The following EEFSEC variants were observed in gnomAD, a reference collection of about 807,000 sequenced individuals.
EEFSEC encodes the protein selenocysteine-specific elongation factor.
In EEFSEC, 43 loss-of-function variants were observed where a neutral mutation model predicts 42.1. The ratio of observed to expected loss-of-function variants is 1.02; its 90% CI spans 0.80 to 1.32. The LOEUF is 1.32. EEFSEC is among the 40% of genes most tolerant of loss of function. EEFSEC has a pLI of 0.00. For missense variants in EEFSEC, 745 were observed against 803.6 expected (o/e 0.93, Z 0.88); for synonymous variants, 354 against 339.1 (o/e 1.04, Z -0.48).
chr3:128,281,023 C>T (rs147232525), intron 4 of EEFSEC, among the ~76,000 whole-genome samples: 2 of 152,202 alleles, frequency 1.3e-5, no homozygotes, highest in African/African-American at 4.8e-5. Flanking sequence ...CTGACTCTTT[C>T]ATTACCCCCT....
chr3:128,392,777 C>A (rs11918300), intron 6 of EEFSEC, among the ~76,000 whole-genome samples: 1,788 of 152,344 alleles, frequency 0.012, 31 homozygotes, highest in African/African-American at 0.041. Context: ...ATGACAGAGG[C>A]TGGGCCTGGC....
intron 5 of EEFSEC, among the ~76,000 whole-genome samples, chr3:128,350,351 G>A (rs959702813): frequency 4.6e-5 from 7 of 152,184 alleles, no homozygotes; most frequent in African/African-American, 1.7e-4. Flanking sequence ...AGGGCCCCTC[G>A]CCCTTGCAGG....
intron 1 of EEFSEC, among the ~76,000 whole-genome samples, chr3:128,234,548 G>A (rs1206359176): frequency 1.3e-5 from 2 of 152,180 alleles, no homozygotes; most frequent in East Asian, 3.8e-4. Context: ...TGACTGTGGT[G>A]CGAGGACATT....
chr3:128,253,436 G>C lies in EEFSEC; in HGVS notation c.524+6393G>C, dbSNP rs565078942. 1.1e-4 allele frequency among the ~76,000 whole-genome samples: 17 copies of C among 152,252 alleles called. No homozygotes were observed. In the Middle Eastern group the frequency reaches 0.014, roughly 123 times the overall value. Reference sequence around the variant, plus strand: ...AGCCACTTACTCCCTGGCTCCCTGGGCGAGTCATAGCTTCTCTGAATATGG... The same window carrying C: ...AGCCACTTACTCCCTGGCTCCCTGGCCGAGTCATAGCTTCTCTGAATATGG... On this transcript the variant is annotated intron_variant, in intron 2 of 6. Transcript: ENST00000254730.
chr3:128,267,083 G>A (rs919863145), intron 4 of EEFSEC, among the ~76,000 whole-genome samples: 3 of 152,068 alleles, frequency 2.0e-5, no homozygotes, highest in African/African-American at 7.2e-5. Flanking sequence ...GGGCTCTCTG[G>A]GGGGTGGGGT....
At chr3:128,180,587 G>A (rs1317183290) in intron 1 of EEFSEC, among the ~76,000 whole-genome samples, 1 of 152,254 alleles carries the variant, frequency 6.6e-6, no homozygotes, top group Non-Finnish European at 1.5e-5. Flanking sequence ...TGGAACAACA[G>A]CTGGAGGGAG....
intron 1 of EEFSEC, among the ~76,000 whole-genome samples, chr3:128,173,639 T>C (rs1044340248): frequency 1.3e-5 from 2 of 152,242 alleles, no homozygotes; most frequent in African/African-American, 4.8e-5. Flanking sequence ...CAATAATTTT[T>C]ATTTCCCTTC....
At chr3:128,210,888 C>A (rs2065749001) in intron 1 of EEFSEC, among the ~76,000 whole-genome samples, 1 of 152,162 alleles carries the variant, frequency 6.6e-6, no homozygotes, top group Admixed American at 6.5e-5. Flanking sequence ...TTTTTCCTGC[C>A]CATTTCTGTC....
chr3:128,312,457 A>G (rs1396129198), intron 4 of EEFSEC, among the ~76,000 whole-genome samples: 1 of 152,252 alleles, frequency 6.6e-6, no homozygotes, highest in African/African-American at 2.4e-5. Context: ...CCTTTGTGTC[A>G]CCAGACTGCG....
At chr3:128,166,798 C>G (rs573087871) in intron 1 of EEFSEC, among the ~76,000 whole-genome samples, 4 of 152,176 alleles carry the variant, frequency 2.6e-5, no homozygotes, top group Admixed American at 1.3e-4. Flanking sequence ...CCTGCTTGCT[C>G]TCTGTCTTTG....
intron 6 of EEFSEC, among the ~76,000 whole-genome samples, chr3:128,401,642 C>G (rs2068049010): frequency 6.6e-6 from 1 of 152,142 alleles, no homozygotes; most frequent in East Asian, 1.9e-4. Flanking sequence ...AGGGGTGAGG[C>G]TGAGAGAGAG....
At chr3:128,393,077 A>G (rs2811375) in intron 6 of EEFSEC, among the ~76,000 whole-genome samples, 1 of 152,242 alleles carries the variant, frequency 6.6e-6, no homozygotes, top group Admixed American at 6.5e-5. Flanking sequence ...GCGCCCAGGC[A>G]CCTGGCCTTT....
At chr3:128,401,544 A>G (rs550050983) in intron 6 of EEFSEC, among the ~76,000 whole-genome samples, 62 of 152,324 alleles carry the variant, frequency 4.1e-4, no homozygotes, top group African/African-American at 1.5e-3. Context: ...GAGTGTGAGC[A>G]TGGCAGGCAG....
At position 128,341,887 on chromosome 3, in the gene EEFSEC, C is replaced by T. The variant is rs780576987; in HGVS notation, c.1441C>T (p.Arg481Trp). Reference sequence around the variant, plus strand: ...GAAGCACAAGCATGGCCTTGTGGAGCGGGTGAGCATGCCCTTGCCTGGCCC... The same window carrying T: ...GAAGCACAAGCATGGCCTTGTGGAGTGGGTGAGCATGCCCTTGCCTGGCCC... ...KLKHKHGLVE[R>W]AMDDYSVIGR... The change falls in exon 5 of 7, where the codon CGG becomes TGG. Residue 481 changes from arginine (R) to tryptophan (W), a missense_variant and splice_region_variant. Arg to Trp is a moderately radical substitution (Grantham distance 101). Transcript: ENST00000254730. 19 of 1,611,314 alleles carry T rather than the reference C, an allele frequency of 1.2e-5. No homozygotes were observed. Among genetic ancestry groups the T allele is most frequent in the South Asian group, 4.4e-5 (4 of 90,824 alleles).
chr3:128,413,782 C>T, the EEFSEC span, among the ~76,000 whole-genome samples: 4 of 152,210 alleles, frequency 2.6e-5, no homozygotes, highest in Admixed American at 6.5e-5. Flanking sequence ...GACTCGGCCC[C>T]GAGCCTCCAG....
At chr3:128,263,719 C>T (rs750082116) in intron 3 of EEFSEC, among the ~76,000 whole-genome samples, 2 of 152,194 alleles carry the variant, frequency 1.3e-5, no homozygotes, top group Admixed American at 1.3e-4. Context: ...TGTTCCCTTA[C>T]GAAGTGAAAA....
chr3:128,359,775 A>G (rs1382548950), intron 6 of EEFSEC, among the ~76,000 whole-genome samples: 1 of 152,046 alleles, frequency 6.6e-6, no homozygotes, highest in Non-Finnish European at 1.5e-5. Flanking sequence ...AGCTGTGGGG[A>G]GGTTTGGATC....
chr3:128,382,759 C>T (rs2067792292), intron 6 of EEFSEC, among the ~76,000 whole-genome samples: 2 of 152,146 alleles, frequency 1.3e-5, no homozygotes, highest in South Asian at 4.1e-4. Context: ...TCAACTCTTG[C>T]CCTTTTTCCC....
chr3:128,410,079 C>T (rs1323500662), downstream of EEFSEC, among the ~76,000 whole-genome samples: 2 of 151,012 alleles, frequency 1.3e-5, no homozygotes, highest in East Asian at 1.9e-4. Context: ...TCCCTGGGGG[C>T]AGGAGAGGCC....
Sources: allele counts gnomAD v4.1 joint callset (sites outside exome capture counted in the v4.1 genomes callset), GRCh38; gene constraint gnomAD v4.1.1; transcripts MANE v1.5; gene names NCBI Gene and HGNC (gene_info 2026-07-23, HGNC 2026-07-21).